The following SCFD2 variants were observed in gnomAD, a reference collection of about 807,000 sequenced individuals.
SCFD2 encodes sec1 family domain-containing protein 2.
In SCFD2, 54 loss-of-function variants were observed where a neutral mutation model predicts 58.9. That is an observed-to-expected ratio of 0.92 (90% CI 0.74 to 1.15). The LOEUF (loss-of-function observed/expected upper bound fraction) is 1.15. SCFD2 is among the 50% of genes most tolerant of loss of function. The pLI, the probability that SCFD2 is intolerant of heterozygous loss-of-function variation, is 0.00. For synonymous variants in SCFD2, 321 were observed against 335.9 expected (o/e 0.96, Z 0.49); for missense variants, 805 against 836.6 (o/e 0.96, Z 0.47).
chr4:53,317,626 G>A (rs2149115670), intron 2 of SCFD2, among the ~76,000 whole-genome samples: 1 of 152,298 alleles, frequency 6.6e-6, no homozygotes, highest in Admixed American at 6.5e-5. Flanking sequence ...TCCTACTGGG[G>A]AAATAAGCAA....
chr4:52,898,816 G>C (rs1365681747), intron 7 of SCFD2, among the ~76,000 whole-genome samples: 1 of 152,168 alleles, frequency 6.6e-6, no homozygotes, highest in African/African-American at 2.4e-5. Context: ...CTAAGGACTT[G>C]CTTTATGAAT....
chr4:53,011,227 C>T (rs529263031), intron 5 of SCFD2, among the ~76,000 whole-genome samples: 20 of 152,086 alleles, frequency 1.3e-4, no homozygotes, highest in Non-Finnish European at 2.4e-4. Context: ...TCTCTGTGCA[C>T]CTTATGAATT....
intron 5 of SCFD2, among the ~76,000 whole-genome samples, chr4:53,103,992 T>C (rs1724914549): frequency 6.6e-6 from 1 of 151,480 alleles, no homozygotes; most frequent in Non-Finnish European, 1.5e-5. Context: ...AATAAATAAT[T>C]GATTAAGTAA....
intron 4 of SCFD2, among the ~76,000 whole-genome samples, chr4:53,219,986 T>C (rs1164349409): frequency 6.6e-6 from 1 of 152,138 alleles, no homozygotes; most frequent in African/African-American, 2.4e-5. Flanking sequence ...GGTGTAAGCA[T>C]TGGGTAGTGG....
intron 5 of SCFD2, among the ~76,000 whole-genome samples, chr4:52,986,619 C>A (rs1394661110): frequency 1.1e-4 from 17 of 151,112 alleles, no homozygotes; most frequent in Admixed American, 1.1e-3. Flanking sequence ...CTGCCTCAGC[C>A]TCCCGAGTAG....
intron 5 of SCFD2, among the ~76,000 whole-genome samples, chr4:53,013,898 GA>G (rs1455384544): frequency 6.6e-6 from 1 of 152,132 alleles, no homozygotes; most frequent in Admixed American, 6.6e-5. Context: ...CCCATCTTAT[GA>G]AAAGGCTTCA....
intron 4 of SCFD2, among the ~76,000 whole-genome samples, chr4:53,207,967 T>C (rs568168979): frequency 2.0e-5 from 3 of 151,240 alleles, no homozygotes; most frequent in Non-Finnish European, 2.9e-5. Context: ...TTCTTTTTTT[T>C]TTTCCCCCCA....
chr4:52,900,151 G>T (rs181864395), intron 7 of SCFD2, among the ~76,000 whole-genome samples: 1 of 152,098 alleles, frequency 6.6e-6, no homozygotes, highest in Non-Finnish European at 1.5e-5. Context: ...CTCTCAACTC[G>T]TCAAAGTCAT....
At chr4:52,895,950 T>A (rs1718997439) in intron 7 of SCFD2, among the ~76,000 whole-genome samples, 1 of 152,260 alleles carries the variant, frequency 6.6e-6, no homozygotes, top group African/African-American at 2.4e-5. Context: ...TTTGGCTGCA[T>A]AAATGTCTTC....
chr4:52,979,830 C>A (rs1721335242), intron 5 of SCFD2, among the ~76,000 whole-genome samples: 1 of 152,138 alleles, frequency 6.6e-6, no homozygotes, highest in South Asian at 2.1e-4. Flanking sequence ...TGCACACCTA[C>A]CCAGGCCAGA....
intron 8 of SCFD2, among the ~76,000 whole-genome samples, chr4:52,880,014 A>G (rs1257769125): frequency 1.3e-5 from 2 of 152,178 alleles, no homozygotes; most frequent in African/African-American, 4.8e-5. Context: ...GCACACATAC[A>G]CACACACCTG....
At chr4:53,119,904 T>C (rs1725431033) in intron 5 of SCFD2, among the ~76,000 whole-genome samples, 2 of 152,146 alleles carry the variant, frequency 1.3e-5, no homozygotes, top group Admixed American at 1.3e-4. Flanking sequence ...TGAGAGAGTG[T>C]TGGATTTTTA....
rs753072925 is a variant in SCFD2 at position 53,352,668 on chromosome 4, C to A, written c.937G>T (p.Ala313Ser). Residue 313 changes from alanine (A) to serine (S), a missense_variant, in exon 2 of 9, where the codon GCG becomes TCG. Coordinates refer to ENST00000401642, the MANE Select transcript of SCFD2 (RefSeq NM_152540.4). ...HTNDVMVNMI[A>S]LTALHTEEEN... ...TCCTCAGTATGGAGTGCAGTGAGCG[C>A]TATCATGTTAACCATCACATCATTT... 2 of 1,613,828 alleles carry A rather than the reference C, an allele frequency of 1.2e-6. No individual in the cohort carries two copies. Among genetic ancestry groups the A allele is most frequent in the African/African-American group, 2.7e-5 (2 of 74,904 alleles).
Position 52,907,607 on chromosome 4 carries a change from A to C in SCFD2, c.1708-16T>G, listed in dbSNP as rs145390327. 3.1e-6 allele frequency: 5 copies of C among 1,613,606 alleles called. No homozygotes were observed. Among genetic ancestry groups the C allele is most frequent in the Non-Finnish European group, 4.2e-6 (5 of 1,179,612 alleles). On this transcript the variant is annotated splice_polypyrimidine_tract_variant and intron_variant, in intron 6 of 8. Transcript: ENST00000401642. ...TATAAGATGCCTGGAAAGACAAAAT[A>C]CTATGAGTAAAGGGATTGTTTGGTT...
At chr4:53,290,693 A>G (rs1731811675) in intron 3 of SCFD2, among the ~76,000 whole-genome samples, 1 of 151,996 alleles carries the variant, frequency 6.6e-6, no homozygotes, top group Admixed American at 6.6e-5. Context: ...AATAAAGTTG[A>G]CAAATGCCTA....
intron 7 of SCFD2, among the ~76,000 whole-genome samples, chr4:52,897,222 C>G (rs545981464): frequency 2.6e-4 from 40 of 152,308 alleles, no homozygotes; most frequent in Admixed American, 9.8e-4. Context: ...AGAGGGCATC[C>G]CTGTCTTGTG....
At chr4:53,339,329 A>G (rs535476939) in intron 2 of SCFD2, among the ~76,000 whole-genome samples, 1 of 150,646 alleles carries the variant, frequency 6.6e-6, no homozygotes, top group Non-Finnish European at 1.5e-5. Context: ...TATTACATAT[A>G]TATGTATACA....
Position 52,885,856 on chromosome 4 carries a change from G to T in SCFD2, c.1853C>A (p.Pro618His), listed in dbSNP as rs190973042. 2.3e-5 allele frequency: 37 copies of T among 1,614,102 alleles called. No homozygotes were observed. In the East Asian group the frequency reaches 7.8e-4, roughly 34 times the overall value. ...GFSMFMKVSR[P>H]HPSDYPLLIL... Reference sequence around the variant, plus strand: ...CAGGAGGGGGTAGTCACTAGGATGAGGCCGGCTCACCTGCAAAACAAAACA... The same window carrying T: ...CAGGAGGGGGTAGTCACTAGGATGATGCCGGCTCACCTGCAAAACAAAACA... The change falls in exon 8 of 9, where the codon CCT becomes CAT. Residue 618 changes from proline (P) to histidine (H), a missense_variant. By Grantham distance (77) the Pro-to-His change is moderately conservative. Coordinates refer to ENST00000401642, the MANE Select transcript of SCFD2 (RefSeq NM_152540.4).
intron 4 of SCFD2, among the ~76,000 whole-genome samples, chr4:53,218,613 T>C (rs554507862): frequency 1.3e-5 from 2 of 152,342 alleles, no homozygotes; most frequent in South Asian, 2.1e-4. Context: ...CAGAGAAGTT[T>C]GATCGTCTGA....
Sources: allele counts gnomAD v4.1 joint callset (sites outside exome capture counted in the v4.1 genomes callset), GRCh38; gene constraint gnomAD v4.1.1; transcripts MANE v1.5; gene names NCBI Gene and HGNC (gene_info 2026-07-23, HGNC 2026-07-21).